CEP72: variants seen among roughly 807,000 people sequenced by gnomAD.
The protein encoded by CEP72 is centrosomal protein of 72 kDa.
In CEP72, 78 loss-of-function variants were observed where a neutral mutation model predicts 65.7. The ratio of observed to expected loss-of-function variants is 1.19; its 90% CI spans 0.99 to 1.43. The LOEUF (loss-of-function observed/expected upper bound fraction) is 1.43, where lower values mean the gene tolerates loss of function less well. Ranked by LOEUF, CEP72 falls within the 40% of genes most tolerant of loss-of-function variation. CEP72 has a pLI of 0.00. For missense variants in CEP72, 914 were observed against 832.9 expected, an observed-to-expected ratio of 1.10 and a Z score of -1.20; for synonymous variants, 358 against 351.7, an observed-to-expected ratio of 1.02 and a Z score of -0.20.
intron 9 of CEP72, chr5:641,999 C>T (rs1561053931): frequency 2.2e-6 from 2 of 929,670 alleles, no homozygotes; most frequent in Admixed American, 6.7e-5. Flanking sequence ...TTTAAGCACA[C>T]GTGGTCCCCC....
chr5:642,456 C>G, intron 9 of CEP72: 2 of 985,500 alleles, frequency 2.0e-6, no homozygotes, highest in Non-Finnish European at 2.4e-6. Context: ...TGGGCGCCGT[C>G]ACTGATGATG....
intron 2 of CEP72, chr5:663,909 TCCC>T: frequency 6.6e-6 from 1 of 152,468 alleles, no homozygotes. Flanking sequence ...CCCGTCAGCC[TCCC>T]CAGGAGGGAG....
chr5:673,613 C>T, the CEP72 span, among the ~76,000 whole-genome samples: 2 of 152,198 alleles, frequency 1.3e-5, no homozygotes, highest in South Asian at 2.1e-4. Context: ...GGGTCTCAGC[C>T]TCAACCCCTC....
At chr5:638,202 A>G (rs1213503754) in intron 7 of CEP72, among the ~76,000 whole-genome samples, 1 of 152,194 alleles carries the variant, frequency 6.6e-6, no homozygotes, top group Non-Finnish European at 1.5e-5. Flanking sequence ...CTTACGGTGC[A>G]CAGGGCATTT....
In CEP72 at chr5:623,778, C is replaced by T. The variant is rs908048065; in HGVS notation, c.404-693C>T. Reference sequence around the variant, plus strand: ...TGACTCGGCATCTTTGTGTGATTATCAGAACTCCTCCGTTTTTCTGCTTTG... The same window carrying T: ...TGACTCGGCATCTTTGTGTGATTATTAGAACTCCTCCGTTTTTCTGCTTTG... On this transcript the variant is annotated intron_variant, in intron 3 of 11. Coordinates refer to ENST00000264935, the MANE Select transcript of CEP72 (RefSeq NM_018140.4). The surrounding 1 kb of genome is among the most constrained non-coding windows in gnomAD (Gnocchi z 5.3). Among the ~76,000 whole-genome samples the T allele has an allele frequency of 2.0e-5, 3 of 152,078 alleles. No individual in the cohort carries two copies. The highest frequency in any genetic ancestry group is 7.3e-5 in the African/African-American group (3 of 41,378).
At chr5:669,866 A>C (rs1304626240), downstream of CEP72, among the ~76,000 whole-genome samples, 1 of 151,914 alleles carries the variant, frequency 6.6e-6, no homozygotes, top group Non-Finnish European at 1.5e-5. Context: ...TTCCCCAGAG[A>C]CACTCAGTCT....
intron 9 of CEP72, chr5:642,369 ATATT>A: frequency 1.0e-6 from 1 of 983,852 alleles, no homozygotes; most frequent in South Asian, 4.7e-5. Context: ...GGAAGCCTCT[ATATT>A]TAAACACGTG....
chr5:649,620 CGTGGACTGTGAGGT>C (rs1204049322), intron 11 of CEP72, among the ~76,000 whole-genome samples: 102 of 57,720 alleles, frequency 1.8e-3, no homozygotes, highest in African/African-American at 6.7e-3. Flanking sequence ...GACTGTGAGG[CGTGGACTGTGAGGT>C]GTGACTGTGA....
At position 635,433 on chromosome 5, in the gene CEP72, G is replaced by C; in HGVS notation, c.753G>C (p.Gln251His). Residue 251 changes from glutamine to histidine, a missense_variant, in exon 6 of 12, where the codon CAG (glutamine) becomes CAC (histidine). By Grantham distance (24) the Gln-to-His change is conservative. Coordinates refer to ENST00000264935, the MANE Select transcript of CEP72 (RefSeq NM_018140.4). Reference sequence around the variant, plus strand: ...ACCAGTGTGGGGACTCTGGGAAGCAGGGCCGTGAGACGAGGAGGAGCAGCT... The same window carrying C: ...ACCAGTGTGGGGACTCTGGGAAGCACGGCCGTGAGACGAGGAGGAGCAGCT... Reference protein sequence around the residue: ...VQYQCGDSGKQGRETRRSSCR... With the variant: ...VQYQCGDSGKHGRETRRSSCR... 1.9e-6 allele frequency: 3 copies of C among 1,614,204 alleles called. No individual in the cohort carries two copies. Among genetic ancestry groups the C allele is most frequent in the Non-Finnish European group, 1.7e-6 (2 of 1,180,020 alleles).
At chr5:672,271 CCTGGCCCTGCTGTTCTCAGTCTCCCA>C in the CEP72 span, among the ~76,000 whole-genome samples, 487 of 152,302 alleles carry the variant, frequency 3.2e-3, 4 homozygotes, top group Middle Eastern at 3.4e-3. Context: ...CCCCAGGGAG[CCTGGCCCTGCTGTTCTCAGTCTCCCA>C]CTGGCCCTGG....
At position 621,120 on chromosome 5, in the gene CEP72, A is replaced by G. The variant is rs149249640; in HGVS notation, c.403+859A>G. 5.8e-3 allele frequency among the ~76,000 whole-genome samples: 877 copies of G among 152,270 alleles called. 31 individuals carry two copies. The highest frequency in any genetic ancestry group is 0.049 in the Admixed American group (753 of 15,296). ...TCGTGGTGGGGAGACCTGAGTTAATATCTGTAAGCTCCCAGACTGCCCGGC... is the reference window on the plus strand; with the variant it reads ...TCGTGGTGGGGAGACCTGAGTTAATGTCTGTAAGCTCCCAGACTGCCCGGC... On this transcript the variant is annotated intron_variant, in intron 3 of 11. Coordinates refer to ENST00000264935, the MANE Select transcript of CEP72 (RefSeq NM_018140.4).
intron 3 of CEP72, among the ~76,000 whole-genome samples, chr5:620,712 A>T (rs2126738644): frequency 6.6e-6 from 1 of 152,314 alleles, no homozygotes; most frequent in Non-Finnish European, 1.5e-5. Flanking sequence ...ACACCCCACC[A>T]CTGGGACAGG....
At chr5:619,871 T>G (rs1256277728) in intron 2 of CEP72, among the ~76,000 whole-genome samples, 198 bp from the exon 3 acceptor site, 1 of 152,218 alleles carries the variant, frequency 6.6e-6, no homozygotes, top group African/African-American at 2.4e-5. Context: ...GTGGGTTCCA[T>G]AAACGACCGT....
At chr5:662,275 C>T (rs764359922) in intron 1 of CEP72, 4 of 152,628 alleles carry the variant, frequency 2.6e-5, no homozygotes, top group African/African-American at 7.2e-5. Context: ...CCTGCGAGGT[C>T]GGGTGGTGCC....
chr5:618,609 G>C (rs540111553), intron 1 of CEP72, among the ~76,000 whole-genome samples: 1 of 152,176 alleles, frequency 6.6e-6, no homozygotes, highest in Non-Finnish European at 1.5e-5. Context: ...AGGGGCCGGG[G>C]GGAGTTTATA....
At chr5:617,052 C>T (rs964082638) in intron 1 of CEP72, among the ~76,000 whole-genome samples, 4 of 152,120 alleles carry the variant, frequency 2.6e-5, no homozygotes, top group Admixed American at 2.0e-4. Flanking sequence ...TGCCAGGCCC[C>T]TCCTGGTCCT....
downstream of CEP72, chr5:655,591 G>T: frequency 6.6e-6 from 1 of 152,080 alleles, no homozygotes. This position sits in a 1 kb window ranked among gnomAD's most constrained non-coding sequence, Gnocchi z 5.0. Context: ...TCCGGTGGGT[G>T]TGGGGTAGTG....
intron 4 of CEP72, chr5:666,846 T>A (rs137908217): frequency 4.7e-4 from 72 of 152,330 alleles, no homozygotes; most frequent in African/African-American, 1.7e-3. Flanking sequence ...TTAGAAAACA[T>A]TTTTCTCCTC....
intron 9 of CEP72, chr5:643,260 G>A (rs1318129907): frequency 6.1e-6 from 6 of 985,322 alleles, no homozygotes; most frequent in East Asian, 1.1e-4. Context: ...AGAGCTCACC[G>A]CATCCTTGGG....
Sources: gnomAD v4.1 joint callset for allele counts (sites outside exome capture counted in the v4.1 genomes callset) on GRCh38, gnomAD v4.1.1 for gene constraint, Gnocchi (gnomAD v3.1) non-coding constraint, MANE v1.5 for transcripts, NCBI Gene and HGNC (gene_info 2026-07-23, HGNC 2026-07-21) for gene names.